The following JARID2 variants were observed in gnomAD, a reference collection of about 807,000 sequenced individuals.
JARID2 encodes the protein protein Jumonji.
A neutral mutation model predicts 125.6 loss-of-function variants in JARID2; 21 were observed. The ratio of observed to expected loss-of-function variants is 0.17; its 90% CI spans 0.12 to 0.24. The LOEUF (loss-of-function observed/expected upper bound fraction) is 0.24. Among genes scored for constraint, JARID2 ranks in the 10% least tolerant of loss-of-function variants. The probability of loss-of-function intolerance (pLI) is 1.00; values close to 1 mark genes in which losing one functional copy is unlikely to be tolerated. For missense variants in JARID2, 1,303 were observed against 1,639.6 expected, an observed-to-expected ratio of 0.79 and a Z score of 3.55; for synonymous variants, 736 against 661.6, an observed-to-expected ratio of 1.11 and a Z score of -1.73.
At position 15,496,460 on chromosome 6, in the gene JARID2, G is replaced by C; in HGVS notation, c.1235G>C (p.Arg412Thr). ...PAVNGLKVSGRLNPKSCTKEV... is the reference protein window; with the variant it reads ...PAVNGLKVSGTLNPKSCTKEV... Reference sequence around the variant, plus strand: ...GTCAATGGCCTCAAGGTCAGTGGCAGGTTGAACCCAAAGTCATGCACTAAG... The same window carrying C: ...GTCAATGGCCTCAAGGTCAGTGGCACGTTGAACCCAAAGTCATGCACTAAG... The change falls in exon 7 of 18, where the codon AGG becomes ACG. Residue 412 changes from arginine (R) to threonine (T), a missense_variant. Physicochemically the swap from Arg to Thr is moderately conservative, Grantham distance 71. Transcript: ENST00000341776. 6.2e-7 allele frequency: 1 copy of C among 1,613,620 alleles called. No homozygotes were observed. The highest frequency in any genetic ancestry group is 2.2e-5 in the East Asian group (1 of 44,882).
At chr6:15,374,000 TG>T in intron 1 of JARID2, 116 bp from the exon 2 acceptor site, 1 of 1,137,830 alleles carries the variant, frequency 8.8e-7, no homozygotes, top group Non-Finnish European at 1.3e-6. Context: ...CATTGAGAAC[TG>T]GGTCGTGGTC....
intron 2 of JARID2, among the ~76,000 whole-genome samples, chr6:15,380,512 G>A (rs1764539713): frequency 6.6e-6 from 1 of 152,192 alleles, no homozygotes; most frequent in Admixed American, 6.5e-5. Context: ...GCATCCGTTA[G>A]TTTCCATTTC....
chr6:15,501,890 C>G (rs1234531628), intron 8 of JARID2, among the ~76,000 whole-genome samples: 2 of 152,228 alleles, frequency 1.3e-5, no homozygotes, highest in Admixed American at 6.5e-5. Context: ...TTCTCCAGTT[C>G]CGTTTCATCC....
At chr6:15,325,285 C>T (rs967141395) in intron 1 of JARID2, among the ~76,000 whole-genome samples, 1 of 152,076 alleles carries the variant, frequency 6.6e-6, no homozygotes, top group Admixed American at 6.5e-5. Context: ...TGTGTGTGTG[C>T]ACACACACAA....
At chr6:15,474,057 A>T (rs1219281504) in intron 5 of JARID2, among the ~76,000 whole-genome samples, 5 of 152,226 alleles carry the variant, frequency 3.3e-5, no homozygotes, top group Non-Finnish European at 1.5e-5. Context: ...AGTCTATTTC[A>T]CATCCGCTTT....
intron 5 of JARID2, among the ~76,000 whole-genome samples, chr6:15,477,912 A>T (rs1769425215): frequency 6.6e-6 from 1 of 152,216 alleles, no homozygotes. Context: ...AGGACTGTCA[A>T]AGAGTCAGCC....
At chr6:15,270,258 G>A (rs1760245636) in intron 1 of JARID2, among the ~76,000 whole-genome samples, 1 of 152,090 alleles carries the variant, frequency 6.6e-6, no homozygotes, top group African/African-American at 2.4e-5. Context: ...TCAGCCTCCG[G>A]AGTAGCTGGG....
intron 1 of JARID2, among the ~76,000 whole-genome samples, chr6:15,311,765 T>G (rs1174689508): frequency 6.6e-6 from 1 of 152,088 alleles, no homozygotes; most frequent in Non-Finnish European, 1.5e-5. Context: ...CTTGTAATAT[T>G]TTCCTTAAAA....
chr6:15,494,960 G>A (rs907917500), intron 6 of JARID2, among the ~76,000 whole-genome samples: 1 of 152,026 alleles, frequency 6.6e-6, no homozygotes, highest in Non-Finnish European at 1.5e-5. Flanking sequence ...GAGGGGGCTA[G>A]TATTCTGTGT....
At chr6:15,300,718 TGTGTGAGAGAGA>T (rs1182944387) in intron 1 of JARID2, among the ~76,000 whole-genome samples, 18 of 140,522 alleles carry the variant, frequency 1.3e-4, no homozygotes, top group African/African-American at 2.5e-4. Flanking sequence ...TGTGTGTGTG[TGTGTGAGAGAGA>T]GAGAGAGAGA....
chr6:15,320,497 A>G (rs1446314762), intron 1 of JARID2, among the ~76,000 whole-genome samples: 1 of 152,210 alleles, frequency 6.6e-6, no homozygotes, highest in Non-Finnish European at 1.5e-5. Context: ...AGAAGGTGAA[A>G]TGATGACTGT....
intron 3 of JARID2, among the ~76,000 whole-genome samples, chr6:15,448,402 G>A (rs549279914): frequency 6.6e-6 from 1 of 152,166 alleles, no homozygotes; most frequent in South Asian, 2.1e-4. Flanking sequence ...TTACTTGTTT[G>A]TTTCTCATTG....
At chr6:15,316,794 A>C (rs546962478) in intron 1 of JARID2, among the ~76,000 whole-genome samples, 3 of 152,288 alleles carry the variant, frequency 2.0e-5, no homozygotes, top group East Asian at 3.9e-4. Context: ...GAGCCAGTGC[A>C]CCTGGCCCAC....
At chr6:15,415,137 TCA>T (rs1224208699) in intron 3 of JARID2, among the ~76,000 whole-genome samples, 1 of 152,204 alleles carries the variant, frequency 6.6e-6, no homozygotes, top group Non-Finnish European at 1.5e-5. Context: ...GGGGGTAAGG[TCA>T]CCGATCAACA....
intron 1 of JARID2, among the ~76,000 whole-genome samples, chr6:15,278,402 C>T (rs922074018): frequency 6.7e-4 from 101 of 151,718 alleles, no homozygotes; most frequent in African/African-American, 2.3e-3. Context: ...CTGGCTAACA[C>T]GGTGAAACCC....
intron 1 of JARID2, among the ~76,000 whole-genome samples, chr6:15,330,819 T>C (rs1039160683): frequency 2.0e-5 from 3 of 152,200 alleles, no homozygotes; most frequent in Admixed American, 1.3e-4. Flanking sequence ...TCAAAAAATA[T>C]ATATTTTAAG....
chr6:15,350,144 C>G (rs181365897), intron 1 of JARID2, among the ~76,000 whole-genome samples: 72 of 152,136 alleles, frequency 4.7e-4, no homozygotes, highest in African/African-American at 1.7e-3. Context: ...GGGAGACAGC[C>G]CTTTCCATCA....
intron 5 of JARID2, among the ~76,000 whole-genome samples, chr6:15,483,374 A>C (rs1047680562): frequency 1.5e-5 from 2 of 133,850 alleles, no homozygotes; most frequent in African/African-American, 5.8e-5. Flanking sequence ...GGTCATTCTT[A>C]AGTGAAACTG....
At chr6:15,443,006 T>C (rs927601865) in intron 3 of JARID2, among the ~76,000 whole-genome samples, 4 of 152,204 alleles carry the variant, frequency 2.6e-5, no homozygotes, top group Non-Finnish European at 5.9e-5. Flanking sequence ...AGTTCATATC[T>C]TGTAGATATT....
Sources: gnomAD v4.1 joint callset for allele counts (sites outside exome capture counted in the v4.1 genomes callset) on GRCh38, gnomAD v4.1.1 for gene constraint, MANE v1.5 for transcripts, NCBI Gene and HGNC (gene_info 2026-07-23, HGNC 2026-07-21) for gene names.